The following KCNIP4 variants were observed in gnomAD, a reference collection of about 807,000 sequenced individuals.
KCNIP4 encodes potassium voltage-gated channel interacting protein 4.
A neutral mutation model predicts 34.0 loss-of-function variants in KCNIP4; 12 were observed. That is an observed-to-expected ratio of 0.35 (90% CI 0.23 to 0.57). The LOEUF is 0.57. Ranked by LOEUF, KCNIP4 falls within the 20% of genes least tolerant of loss-of-function variation. KCNIP4 has a pLI of 0.83. For synonymous variants in KCNIP4, 124 were observed against 102.2 expected, an observed-to-expected ratio of 1.21 and a Z score of -1.29; for missense variants, 238 against 311.7, an observed-to-expected ratio of 0.76 and a Z score of 1.78.
intron 1 of KCNIP4, among the ~76,000 whole-genome samples, chr4:21,357,562 G>T (rs987849587): frequency 1.3e-5 from 2 of 152,108 alleles, no homozygotes; most frequent in Non-Finnish European, 2.9e-5. Context: ...ACAGACACAT[G>T]AAAAAATGCT....
intron 1 of KCNIP4, among the ~76,000 whole-genome samples, chr4:21,301,190 A>G (rs1711631060): frequency 6.6e-6 from 1 of 152,174 alleles, no homozygotes; most frequent in Non-Finnish European, 1.5e-5. Flanking sequence ...TCACTTAAAG[A>G]TAAGCAAATA....
chr4:21,847,631 G>GT (rs1724104834), intron 1 of KCNIP4: 1 of 151,096 alleles, frequency 6.6e-6, no homozygotes, highest in Admixed American at 6.6e-5. Flanking sequence ...TAATTAAATT[G>GT]TTTTTTGTTT....
chr4:21,570,655 A>T (rs1305815576), intron 1 of KCNIP4, among the ~76,000 whole-genome samples: 1 of 152,138 alleles, frequency 6.6e-6, no homozygotes, highest in African/African-American at 2.4e-5. Flanking sequence ...AATGAGTCTG[A>T]AGCATGTCAA....
intron 1 of KCNIP4, among the ~76,000 whole-genome samples, chr4:21,146,599 T>C (rs1314818342): frequency 6.6e-6 from 1 of 152,148 alleles, no homozygotes; most frequent in Non-Finnish European, 1.5e-5. Context: ...AGTCATACAG[T>C]TCCCGAATAG....
intron 3 of KCNIP4, among the ~76,000 whole-genome samples, chr4:20,833,476 C>T (rs947792024): frequency 6.9e-6 from 1 of 145,536 alleles, no homozygotes; most frequent in Non-Finnish European, 1.5e-5. Context: ...CAGAGTGAGA[C>T]CCCATCTCAA....
chr4:21,301,388 G>T (rs2109242256), intron 1 of KCNIP4, among the ~76,000 whole-genome samples: 1 of 152,172 alleles, frequency 6.6e-6, no homozygotes, highest in East Asian at 1.9e-4. Flanking sequence ...CTATAAAACA[G>T]TTGTAAGTTT....
intron 1 of KCNIP4, among the ~76,000 whole-genome samples, chr4:20,945,689 CA>C (rs892005942): frequency 4.0e-5 from 6 of 149,640 alleles, no homozygotes; most frequent in African/African-American, 7.4e-5. Flanking sequence ...GACTGCTTGC[CA>C]AAAAAAAAGA....
At chr4:21,380,046 T>A (rs1405737806) in intron 1 of KCNIP4, among the ~76,000 whole-genome samples, 1 of 152,124 alleles carries the variant, frequency 6.6e-6, no homozygotes, top group East Asian at 1.9e-4. Flanking sequence ...ATCACCATAG[T>A]TGCTATTGGT....
intron 1 of KCNIP4, among the ~76,000 whole-genome samples, chr4:21,835,268 C>A (rs1723250306): frequency 6.6e-6 from 1 of 151,978 alleles, no homozygotes; most frequent in Admixed American, 6.6e-5. Flanking sequence ...CAGAAGGCTA[C>A]TTACACTAAT....
rs114425468 is a variant in KCNIP4, at chr4:21,343,119, T to C, written c.62-460410A>G. On this transcript the variant is annotated intron_variant, in intron 1 of 8. Coordinates refer to ENST00000382152, the MANE Select transcript of KCNIP4 (RefSeq NM_025221.6). ...AAAGATGGACCCAATTATAGCAGTC[T>C]GCATTTTCTTATAATACTGGTGACA... Among the ~76,000 whole-genome samples the C allele has an allele frequency of 5.1e-3, 780 of 152,224 alleles. 6 individuals are homozygous for C. Among genetic ancestry groups the C allele is most frequent in the African/African-American group, 0.018 (730 of 41,544 alleles).
intron 1 of KCNIP4, among the ~76,000 whole-genome samples, chr4:21,519,100 C>A (rs921902282): frequency 4.6e-5 from 7 of 152,122 alleles, no homozygotes; most frequent in African/African-American, 1.7e-4. Context: ...ACCAAATTCA[C>A]ATGCTGAAAT....
rs145886813 is a variant in KCNIP4 at position 21,251,422 on chromosome 4, C to T, written c.62-368713G>A. Among the ~76,000 whole-genome samples, 348 of 152,008 alleles carry T rather than the reference C, an allele frequency of 2.3e-3. 1 individual carries two copies. Among genetic ancestry groups the T allele is most frequent in the African/African-American group, 6.7e-3 (279 of 41,472 alleles). ...AGCAATCCTGATGTTCAGCCAGTAC[C>T]GAGAACACTGTGGCCCTCATATCAT... On this transcript the variant is annotated intron_variant, in intron 1 of 8. Transcript: ENST00000382152.
chr4:21,396,688 A>G (rs1723041777), intron 1 of KCNIP4, among the ~76,000 whole-genome samples: 1 of 152,090 alleles, frequency 6.6e-6, no homozygotes, highest in Non-Finnish European at 1.5e-5. Context: ...AGTTGTCACT[A>G]TGACTCTTAC....
intron 1 of KCNIP4, among the ~76,000 whole-genome samples, chr4:21,388,986 G>C (rs1722286363): frequency 6.8e-6 from 1 of 146,216 alleles, no homozygotes; most frequent in South Asian, 2.1e-4. Flanking sequence ...ATATTGTCTT[G>C]TTTTTTTTTT....
At chr4:21,885,398 T>A (rs1356995663) in intron 1 of KCNIP4, among the ~76,000 whole-genome samples, 1 of 152,172 alleles carries the variant, frequency 6.6e-6, no homozygotes, top group Non-Finnish European at 1.5e-5. Flanking sequence ...TTTTGCTTCA[T>A]TGTTATTGCA....
intron 1 of KCNIP4, among the ~76,000 whole-genome samples, chr4:21,490,095 C>T (rs1326069362): frequency 2.0e-5 from 3 of 152,060 alleles, no homozygotes; most frequent in Admixed American, 1.3e-4. Context: ...CAGATAATCA[C>T]TGAAGTTATA....
At chr4:21,206,049 A>C (rs946649400) in intron 1 of KCNIP4, among the ~76,000 whole-genome samples, 1 of 152,200 alleles carries the variant, frequency 6.6e-6, no homozygotes, top group Non-Finnish European at 1.5e-5. Flanking sequence ...GCACTTTGGC[A>C]TTCTCATCCT....
At chr4:21,335,092 G>A (rs1716044731) in intron 1 of KCNIP4, among the ~76,000 whole-genome samples, 1 of 151,924 alleles carries the variant, frequency 6.6e-6, no homozygotes, top group South Asian at 2.1e-4. Flanking sequence ...GTTGGAAGTG[G>A]GTAGAGTTCT....
intron 1 of KCNIP4, among the ~76,000 whole-genome samples, chr4:21,943,165 T>C (rs1355223601): frequency 6.6e-6 from 1 of 152,202 alleles, no homozygotes; most frequent in Admixed American, 6.5e-5. Context: ...ACAGAACATC[T>C]GCAAATGAGA....
Sources: allele counts gnomAD v4.1 joint callset (sites outside exome capture counted in the v4.1 genomes callset), GRCh38; gene constraint gnomAD v4.1.1; transcripts MANE v1.5; gene names NCBI Gene and HGNC (gene_info 2026-07-23, HGNC 2026-07-21).